The following RBFOX1 variants were observed in gnomAD, a reference collection of about 807,000 sequenced individuals.
The protein encoded by RBFOX1 is RNA binding fox-1 homolog 1.
Under a neutral mutation model 57.7 loss-of-function variants are expected in RBFOX1, and 8 were observed. The observed-to-expected ratio is 0.14, with a 90% CI of 0.08 to 0.25. The LOEUF is 0.25. Among genes scored for constraint, RBFOX1 ranks in the 10% least tolerant of loss-of-function variants. RBFOX1 has a pLI of 1.00. For missense variants in RBFOX1, 611 were observed against 548.5 expected, an observed-to-expected ratio of 1.11 and a Z score of -1.14; for synonymous variants, 326 against 222.4, an observed-to-expected ratio of 1.47 and a Z score of -4.15.
chr16:6,826,669 G>T (rs76962416), intron 3 of RBFOX1, among the ~76,000 whole-genome samples: 5,029 of 151,928 alleles, frequency 0.033, 276 homozygotes, highest in Admixed American at 0.14. Context: ...TTTGCTACCA[G>T]CCTAAGAGCT....
At chr16:6,368,192 G>T (rs1283641197) in intron 2 of RBFOX1, among the ~76,000 whole-genome samples, 1 of 152,108 alleles carries the variant, frequency 6.6e-6, no homozygotes, top group Non-Finnish European at 1.5e-5. Flanking sequence ...TATGAGACTT[G>T]TATTATATAC....
Position 5,808,169 on chromosome 16 carries a change from G to A in RBFOX1, c.319-59134G>A, listed in dbSNP as rs536930572. On this transcript the variant is annotated intron_variant, in intron 3 of 19. Coordinates refer to the RBFOX1 transcript ENST00000641259. The stretch of plus-strand genomic sequence containing the variant: ...GAAGTAATTAAGATAAAATGAGGCC[G>A]TTAGGATGGGCCTTAATGGCCTCAT... Among the ~76,000 whole-genome samples, 18 of 152,274 alleles carry A rather than the reference G, an allele frequency of 1.2e-4. No individual in the cohort carries two copies. The South Asian group carries it at 1.4e-3, about 12-fold the overall frequency.
intron 4 of RBFOX1, among the ~76,000 whole-genome samples, chr16:7,488,640 CTATT>C (rs2066071403): frequency 6.6e-6 from 1 of 152,184 alleles, no homozygotes; most frequent in African/African-American, 2.4e-5. Flanking sequence ...ACCTATCACT[CTATT>C]TGTCTGTACG....
At chr16:5,958,266 G>A (rs533590954) in intron 4 of RBFOX1, among the ~76,000 whole-genome samples, 160 of 152,306 alleles carry the variant, frequency 1.1e-3, no homozygotes, top group African/African-American at 3.7e-3. Flanking sequence ...CATGAGACTT[G>A]CTTGGAATTA....
intron 1 of RBFOX1, among the ~76,000 whole-genome samples, chr16:6,271,256 C>G (rs545955694): frequency 6.6e-6 from 1 of 152,000 alleles, no homozygotes; most frequent in East Asian, 1.9e-4. Flanking sequence ...AAACCCCATA[C>G]CTACTAAAAA....
At chr16:7,695,686 A>T (rs2078593065) in intron 14 of RBFOX1, among the ~76,000 whole-genome samples, 1 of 147,726 alleles carries the variant, frequency 6.8e-6, no homozygotes, top group Non-Finnish European at 1.5e-5. Context: ...TGCTGTGCCC[A>T]CTACCCACAT....
chr16:7,154,662 G>C lies in RBFOX1; in HGVS notation c.27+102564G>C, dbSNP rs187954049. Among the ~76,000 whole-genome samples, 224 of 150,144 alleles carry C rather than the reference G, an allele frequency of 1.5e-3. 4 individuals carry two copies. Among genetic ancestry groups the C allele is most frequent in the Admixed American group, 0.013 (194 of 15,042 alleles). Reference sequence around the variant, plus strand: ...TTGGAGAGGCATAAAACTTAGTTTGGGAAATGGCTAGACCCTCTTCCTTTG... The same window carrying C: ...TTGGAGAGGCATAAAACTTAGTTTGCGAAATGGCTAGACCCTCTTCCTTTG... On this transcript the variant is annotated intron_variant, in intron 4 of 15. Coordinates refer to ENST00000550418, the MANE Select transcript of RBFOX1 (RefSeq NM_018723.4).
At chr16:6,100,080 A>T (rs912267300) in intron 1 of RBFOX1, among the ~76,000 whole-genome samples, 1 of 152,174 alleles carries the variant, frequency 6.6e-6, no homozygotes. Context: ...AATGTTGGGG[A>T]TGCTCTAAAG....
intron 1 of RBFOX1, among the ~76,000 whole-genome samples, chr16:5,243,743 G>A (rs981152012): frequency 7.9e-5 from 12 of 152,230 alleles, no homozygotes; most frequent in African/African-American, 2.9e-4. Context: ...CCCTTTATGA[G>A]CCATGCGGTC....
At chr16:5,608,474 C>G (rs936909738) in intron 3 of RBFOX1, among the ~76,000 whole-genome samples, 1 of 152,190 alleles carries the variant, frequency 6.6e-6, no homozygotes, top group Non-Finnish European at 1.5e-5. Flanking sequence ...GCCCTGCCAC[C>G]TATTTGTTGT....
intron 3 of RBFOX1, among the ~76,000 whole-genome samples, chr16:6,659,042 C>G (rs745920216): frequency 1.3e-5 from 2 of 151,732 alleles, no homozygotes; most frequent in Non-Finnish European, 2.9e-5. Flanking sequence ...GCTGTATGGC[C>G]TCACAAAACC....
intron 4 of RBFOX1, among the ~76,000 whole-genome samples, chr16:7,178,139 C>G (rs956017815): frequency 6.6e-6 from 1 of 152,210 alleles, no homozygotes; most frequent in South Asian, 2.1e-4. Flanking sequence ...GCAGCAACAA[C>G]AACAACAAAC....
At chr16:7,271,234 C>T (rs191338832) in intron 4 of RBFOX1, among the ~76,000 whole-genome samples, 67 of 152,190 alleles carry the variant, frequency 4.4e-4, no homozygotes, top group African/African-American at 1.6e-3. Context: ...CCTTTGTCTA[C>T]ACGTGTTTCC....
chr16:7,563,603 G>C (rs2090963236), intron 5 of RBFOX1, among the ~76,000 whole-genome samples: 1 of 152,078 alleles, frequency 6.6e-6, no homozygotes, highest in South Asian at 2.1e-4. Flanking sequence ...TAGCAGCTGG[G>C]ACTACAGGCA....
intron 3 of RBFOX1, among the ~76,000 whole-genome samples, chr16:6,906,084 G>T (rs1400611322): frequency 6.6e-6 from 1 of 150,954 alleles, no homozygotes; most frequent in Admixed American, 6.6e-5. Context: ...CTTTGTCTTC[G>T]ATGGAACGCT....
At chr16:7,449,204 C>T (rs1235728922) in intron 4 of RBFOX1, among the ~76,000 whole-genome samples, 1 of 152,132 alleles carries the variant, frequency 6.6e-6, no homozygotes, top group African/African-American at 2.4e-5. Context: ...GCTGGGATTA[C>T]AGGCGTGAGC....
intron 4 of RBFOX1, among the ~76,000 whole-genome samples, chr16:7,105,251 C>T (rs1391817227): frequency 6.6e-6 from 1 of 151,086 alleles, no homozygotes; most frequent in East Asian, 1.9e-4. Context: ...CTATGGAGGC[C>T]AATCCTTAAT....
chr16:5,618,430 C>A (rs1161310376), intron 3 of RBFOX1, among the ~76,000 whole-genome samples: 1 of 152,068 alleles, frequency 6.6e-6, no homozygotes, highest in Non-Finnish European at 1.5e-5. Context: ...CTCCACCCAC[C>A]AGGTTCACGC....
At chr16:6,929,255 A>C (rs919320002) in intron 3 of RBFOX1, among the ~76,000 whole-genome samples, 1 of 152,154 alleles carries the variant, frequency 6.6e-6, no homozygotes, top group Non-Finnish European at 1.5e-5. Flanking sequence ...AGAAGAAGAT[A>C]TTGCTAAGGG....
Sources: allele counts gnomAD v4.1 joint callset (sites outside exome capture counted in the v4.1 genomes callset), GRCh38; gene constraint gnomAD v4.1.1; transcripts MANE v1.5; gene names NCBI Gene and HGNC (gene_info 2026-07-23, HGNC 2026-07-21).